The following RPL26L1 variants were observed in gnomAD, a reference collection of about 807,000 sequenced individuals.
RPL26L1 encodes ribosomal protein L26 like 1, also known as ribosomal protein uL24-like.
Under a neutral mutation model 15.2 loss-of-function variants are expected in RPL26L1, and 8 were observed. The observed-to-expected ratio is 0.53, with a 90% CI of 0.31 to 0.95. The LOEUF (loss-of-function observed/expected upper bound fraction) is 0.95. RPL26L1 is among the 40% of genes least tolerant of loss of function. The pLI, the probability that RPL26L1 is intolerant of heterozygous loss-of-function variation, is 0.05. For missense variants in RPL26L1, 146 were observed against 190.9 expected, an observed-to-expected ratio of 0.76 and a Z score of 1.39; for synonymous variants, 51 against 65.9, an observed-to-expected ratio of 0.77 and a Z score of 1.09.
At chr5:172,957,544 A>C, upstream of RPL26L1, 1 of 287,802 alleles carries the variant, frequency 3.5e-6, no homozygotes, top group Non-Finnish European at 6.9e-6. Context: ...TGAATGTATG[A>C]GTAAATAAGT....
At chr5:172,958,612 TCA>T (rs1357573882), upstream of RPL26L1, 1 of 334,614 alleles carries the variant, frequency 3.0e-6, no homozygotes, top group Non-Finnish European at 6.2e-6. Context: ...TTGATCTCCC[TCA>T]CAGCTCCGTC....
chr5:172,965,151 A>G (rs1244988599), intron 2 of RPL26L1, among the ~76,000 whole-genome samples: 1 of 152,064 alleles, frequency 6.6e-6, no homozygotes, highest in Admixed American at 6.5e-5. Flanking sequence ...ACGCCACTGC[A>G]CTCCAGCATG....
At position 172,960,004 on chromosome 5, in the gene RPL26L1, T is replaced by C; in HGVS notation, c.131T>C (p.Val44Ala). ...LSKELRQKYN[V>A]RSMPIRKDDE... ...AAGGAGCTGCGGCAGAAGTACAATG[T>C]CCGCTCCATGCCCATCCGCAAGGAC... Residue 44 changes from valine to alanine, a missense_variant, in exon 2 of 4, where the codon GTC becomes GCC. By Grantham distance (64) the Val-to-Ala change is moderately conservative (BLOSUM62 0). Transcript: ENST00000265100. The C allele has an allele frequency of 6.2e-7, 1 of 1,614,216 alleles. No individual in the cohort carries two copies. The highest frequency in any genetic ancestry group is 8.5e-7 in the Non-Finnish European group (1 of 1,180,034).
chr5:172,954,823 G>A (rs904526897), upstream of RPL26L1: 6 of 404,230 alleles, frequency 1.5e-5, no homozygotes, highest in Non-Finnish European at 3.0e-5. Flanking sequence ...TCCTTTCAAT[G>A]AACTTTTCCA....
chr5:172,956,223 AATG>A (rs1472785477), upstream of RPL26L1, among the ~76,000 whole-genome samples: 2 of 152,250 alleles, frequency 1.3e-5, no homozygotes, highest in Non-Finnish European at 2.9e-5. Flanking sequence ...ATGATCATTT[AATG>A]ATAACATTTT....
chr5:172,966,313 ATTTTTTTTTTTTTTT>A (rs386405707), intron 2 of RPL26L1, among the ~76,000 whole-genome samples: 10 of 63,668 alleles, frequency 1.6e-4, no homozygotes, highest in African/African-American at 6.5e-4. Flanking sequence ...CTGGCTAACT[ATTTTTTTTTTTTTTT>A]TTTTTTTTTT....
chr5:172,956,741 C>T (rs1754987966), upstream of RPL26L1, among the ~76,000 whole-genome samples: 1 of 151,948 alleles, frequency 6.6e-6, no homozygotes, highest in Non-Finnish European at 1.5e-5. Flanking sequence ...AGTTCAAGAC[C>T]AGCCTAACCA....
At chr5:172,959,787 A>G (rs1755148280) in intron 1 of RPL26L1, 78 bp from the exon 2 acceptor site, 3 of 1,468,878 alleles carry the variant, frequency 2.0e-6, no homozygotes, top group Non-Finnish European at 2.8e-6. Context: ...TTGGGGGATG[A>G]GGAGTGTCTT....
chr5:172,954,125 T>C (rs1433597203), upstream of RPL26L1, among the ~76,000 whole-genome samples: 3 of 152,192 alleles, frequency 2.0e-5, no homozygotes. Flanking sequence ...TGGTAGGATG[T>C]GATTTGGGGA....
chr5:172,954,767 C>T (rs943388941), upstream of RPL26L1: 2 of 370,994 alleles, frequency 5.4e-6, no homozygotes, highest in East Asian at 7.4e-5. Context: ...ATGTGTTTTA[C>T]GTTGGCATAC....
At chr5:172,968,684 C>G in intron 3 of RPL26L1, 85 bp downstream of exon 3, 9 of 1,515,896 alleles carry the variant, frequency 5.9e-6, no homozygotes, top group Admixed American at 1.7e-5. Context: ...ACTCCCTGCA[C>G]AGTTGGCTGA....
intron 2 of RPL26L1, among the ~76,000 whole-genome samples, chr5:172,967,935 A>T (rs981449043): frequency 8.6e-5 from 13 of 151,624 alleles, no homozygotes; most frequent in Admixed American, 6.6e-4. Context: ...AATATATATT[A>T]TATATATACA....
chr5:172,956,792 G>T (rs1754990525), upstream of RPL26L1, among the ~76,000 whole-genome samples: 1 of 151,984 alleles, frequency 6.6e-6, no homozygotes, highest in Non-Finnish European at 1.5e-5. Context: ...ACAAAAATTA[G>T]CCAGGCGTGG....
chr5:172,958,203 G>C (rs528591772), upstream of RPL26L1: 7 of 371,616 alleles, frequency 1.9e-5, no homozygotes, highest in Admixed American at 6.8e-5. Flanking sequence ...GGCGGAGGTT[G>C]CGGTGAGCCG....
At chr5:172,963,315 A>G (rs570324667) in intron 2 of RPL26L1, among the ~76,000 whole-genome samples, 21 of 151,932 alleles carry the variant, frequency 1.4e-4, no homozygotes, top group African/African-American at 4.6e-4. Context: ...TAGAGGTTGC[A>G]GTGAGCCAAG....
chr5:172,955,205 T>C, upstream of RPL26L1: 1 of 342,552 alleles, frequency 2.9e-6, no homozygotes, highest in South Asian at 2.2e-5. Context: ...ATCGGCTCAC[T>C]GCAACATCTA....
chr5:172,959,464 G>A lies in RPL26L1; in HGVS notation c.-14G>A, dbSNP rs188189386. On this transcript the variant is annotated 5_prime_UTR_variant, in exon 1 of 4. Coordinates refer to ENST00000265100, the MANE Select transcript of RPL26L1 (RefSeq NM_016093.4). The stretch of plus-strand genomic sequence containing the variant: ...CACTCAGGGTCTGAGGCAGCTAGTA[G>A]CCGGGTGAGTGGAGGCTGGAGTTTT... 412 of 1,016,958 alleles carry A rather than the reference G, an allele frequency of 4.1e-4. No individual in the cohort carries two copies. Among genetic ancestry groups the A allele is most frequent in the Non-Finnish European group, 3.8e-4 (319 of 845,796 alleles). 63.0% of individuals were successfully genotyped at this position (1,016,958 alleles called of 1,614,324 possible).
At chr5:172,965,034 AT>A (rs1161923390) in intron 2 of RPL26L1, among the ~76,000 whole-genome samples, 4 of 152,204 alleles carry the variant, frequency 2.6e-5, no homozygotes, top group African/African-American at 9.6e-5. Context: ...AAATATAAAG[AT>A]TAGCTGGGCG....
chr5:172,962,602 G>A (rs1436853540), intron 2 of RPL26L1, among the ~76,000 whole-genome samples: 1 of 151,842 alleles, frequency 6.6e-6, no homozygotes, highest in Non-Finnish European at 1.5e-5. Flanking sequence ...CAGATCATGA[G>A]GTCAGGAGAT....
Sources: gnomAD v4.1 joint callset for allele counts (sites outside exome capture counted in the v4.1 genomes callset) on GRCh38, gnomAD v4.1.1 for gene constraint, MANE v1.5 for transcripts, NCBI Gene and HGNC (gene_info 2026-07-23, HGNC 2026-07-21) for gene names.